Variants in PCDHGC3 observed in about 807,000 individuals in gnomAD.
The protein encoded by PCDHGC3 is protocadherin gamma subfamily C, 3, also known as protocadherin gamma-C3.
Under a neutral mutation model 59.2 loss-of-function variants are expected in PCDHGC3, and 26 were observed. The observed-to-expected ratio is 0.44, with a 90% CI of 0.32 to 0.61. PCDHGC3 has a LOEUF of 0.61. Among genes scored for constraint, PCDHGC3 ranks in the 20% least tolerant of loss-of-function variants. The probability of loss-of-function intolerance (pLI) is 0.05; values close to 1 mark genes in which losing one functional copy is unlikely to be tolerated. For synonymous variants in PCDHGC3, 487 were observed against 519.7 expected, an observed-to-expected ratio of 0.94 and a Z score of 0.86; for missense variants, 1,080 against 1,221.8, an observed-to-expected ratio of 0.88 and a Z score of 1.73.
chr5:141,485,745 T>C lies in PCDHGC3; in HGVS notation c.2430+7199T>C. 3 of 1,614,146 alleles carry C rather than the reference T, an allele frequency of 1.9e-6. No individual in the cohort carries two copies. Among genetic ancestry groups the C allele is most frequent in the Non-Finnish European group, 2.5e-6 (3 of 1,179,986 alleles). ...AAGAAGCGCAGCGACGGCAGCCTGGTCCCAGAGCTGCTCCTGGAGAAGCCT... is the reference window on the plus strand; with the variant it reads ...AAGAAGCGCAGCGACGGCAGCCTGGCCCCAGAGCTGCTCCTGGAGAAGCCT... On this transcript the variant is annotated intron_variant, in intron 1 of 3. Transcript: ENST00000308177. This position sits in a 1 kb window ranked among gnomAD's most constrained non-coding sequence, Gnocchi z 5.7.
intron 2 of PCDHGC3, among the ~76,000 whole-genome samples, chr5:141,499,879 G>C (rs1470090790): frequency 9.2e-5 from 14 of 151,952 alleles, no homozygotes. Flanking sequence ...GTACAAACAG[G>C]GTTTCGCCAT....
At chr5:141,506,432 C>A (rs2099853359) in intron 3 of PCDHGC3, among the ~76,000 whole-genome samples, 1 of 132,482 alleles carries the variant, frequency 7.5e-6, no homozygotes, top group Non-Finnish European at 1.6e-5. Context: ...GGGCAACAGT[C>A]TCGCTCTGTC....
intron 3 of PCDHGC3, 86 bp downstream of exon 3, chr5:141,505,567 T>C: frequency 6.3e-7 from 1 of 1,599,440 alleles, no homozygotes; most frequent in South Asian, 1.1e-5. Flanking sequence ...ACGGACTGGA[T>C]GTCAAACCTG....
Position 141,478,289 on chromosome 5 carries a change from G to A in PCDHGC3, c.2173G>A (p.Asp725Asn), listed in dbSNP as rs1210628852. The change falls in exon 1 of 4, where the codon GAC becomes AAC. Residue 725 changes from aspartate (D) to asparagine (N), a missense_variant. Physicochemically the swap from Asp to Asn is conservative, Grantham distance 23 (BLOSUM62 1). Transcript: ENST00000308177. ...FKVYKWKQSR[D>N]LYRAPVSSLY... ...AGTTTACAAGTGGAAGCAGTCTAGA[G>A]ACCTATACCGAGCCCCGGTGAGCTC... is the stretch of plus-strand genomic sequence containing the variant. 1.2e-6 allele frequency: 2 copies of A among 1,614,146 alleles called. No individual in the cohort carries two copies. The highest frequency in any genetic ancestry group is 2.7e-5 in the African/African-American group (2 of 75,074).
intron 2 of PCDHGC3, among the ~76,000 whole-genome samples, chr5:141,504,143 C>A (rs2099835975): frequency 6.6e-6 from 1 of 152,136 alleles, no homozygotes; most frequent in Non-Finnish European, 1.5e-5. Flanking sequence ...CACTCCCCTG[C>A]AAATTGAAAT....
chr5:141,483,432 ACT>A (rs2099581241), intron 1 of PCDHGC3, among the ~76,000 whole-genome samples: 1 of 152,200 alleles, frequency 6.6e-6, no homozygotes, highest in African/African-American at 2.4e-5. Flanking sequence ...GAGGGAGCTG[ACT>A]ACAATAAAAT....
At chr5:141,505,260 C>T in intron 2 of PCDHGC3, 133 bp from the exon 3 acceptor site, 2 of 1,502,832 alleles carry the variant, frequency 1.3e-6, no homozygotes, top group South Asian at 1.3e-5. Context: ...TGCCTCCTAC[C>T]TTGCTGAGAG....
Position 141,489,640 on chromosome 5 carries a change from G to A in PCDHGC3, c.2431-5167G>A. The A allele has an allele frequency of 1.2e-6, 2 of 1,614,146 alleles. No individual in the cohort carries two copies. Among genetic ancestry groups the A allele is most frequent in the Non-Finnish European group, 1.7e-6 (2 of 1,180,010 alleles). Reference sequence around the variant, plus strand: ...TCTCAATGACAACTCTCCTAGCTTTGCCACCCCTGAGCGAGAGATGCGCAT... The same window carrying A: ...TCTCAATGACAACTCTCCTAGCTTTACCACCCCTGAGCGAGAGATGCGCAT... On this transcript the variant is annotated intron_variant, in intron 1 of 3. Transcript: ENST00000308177. The surrounding 1 kb of genome is among the most constrained non-coding windows in gnomAD (Gnocchi z 4.5).
rs2099641960 is a variant in PCDHGC3 at position 141,487,259 on chromosome 5, T to C, written c.2431-7548T>C. On this transcript the variant is annotated intron_variant, in intron 1 of 3. Coordinates refer to ENST00000308177, the MANE Select transcript of PCDHGC3 (RefSeq NM_002588.4). This position sits in a 1 kb window ranked among gnomAD's most constrained non-coding sequence, Gnocchi z 5.0. ...TCGTCTAACCCTCTACTTGGCTGTG[T>C]CCCTAGTGGCAATTTGCTTTGTCTC... 6.2e-7 allele frequency: 1 copy of C among 1,614,132 alleles called. No homozygotes were observed. Among genetic ancestry groups the C allele is most frequent in the Non-Finnish European group, 8.5e-7 (1 of 1,180,012 alleles).
chr5:141,498,726 G>T (rs2099785379), intron 2 of PCDHGC3, among the ~76,000 whole-genome samples: 1 of 152,172 alleles, frequency 6.6e-6, no homozygotes, highest in Admixed American at 6.5e-5. Context: ...GAGGTCAGGA[G>T]TTTGAGACCA....
In PCDHGC3 at chr5:141,490,410, T is replaced by C. The variant is rs2099699827; in HGVS notation, c.2431-4397T>C. ...ATGGTGAAGTGAGCCTTGATATCTC[T>C]CCGGACCTGCCATTTCAGATTAAGC... On this transcript the variant is annotated intron_variant, in intron 1 of 3. Coordinates refer to ENST00000308177, the MANE Select transcript of PCDHGC3 (RefSeq NM_002588.4). The surrounding 1 kb of genome is among the most constrained non-coding windows in gnomAD (Gnocchi z 5.4). 1 of 1,614,172 alleles carries C rather than the reference T, an allele frequency of 6.2e-7. No individual in the cohort carries two copies. Among genetic ancestry groups the C allele is most frequent in the Non-Finnish European group, 8.5e-7 (1 of 1,180,042 alleles).
At chr5:141,482,544 A>AAAC (rs1041838777) in intron 1 of PCDHGC3, among the ~76,000 whole-genome samples, 4 of 151,844 alleles carry the variant, frequency 2.6e-5, no homozygotes, top group Non-Finnish European at 4.4e-5. Context: ...AAAAAAAAAA[A>AAAC]AAAAAGATAA....
At chr5:141,500,568 T>C (rs1562196424) in intron 2 of PCDHGC3, among the ~76,000 whole-genome samples, 2 of 152,190 alleles carry the variant, frequency 1.3e-5, no homozygotes, top group Admixed American at 6.5e-5. Context: ...CTTGTCACAC[T>C]TTCATGTGAC....
intron 2 of PCDHGC3, among the ~76,000 whole-genome samples, chr5:141,499,800 C>A (rs2099794584): frequency 6.6e-6 from 1 of 150,704 alleles, no homozygotes; most frequent in Admixed American, 6.7e-5. Context: ...AATTCTCATG[C>A]TTCAGCCTCC....
chr5:141,503,401 C>A (rs987421198), intron 2 of PCDHGC3, among the ~76,000 whole-genome samples: 15 of 151,848 alleles, frequency 9.9e-5, no homozygotes, highest in Non-Finnish European at 1.9e-4. Context: ...TCGAAACCAA[C>A]CTGGCCAATA....
chr5:141,503,912 A>AAC (rs34419983), intron 2 of PCDHGC3, among the ~76,000 whole-genome samples: 3 of 152,280 alleles, frequency 2.0e-5, no homozygotes, highest in East Asian at 3.9e-4. Context: ...CACACAACGC[A>AAC]ACACACACAC....
At chr5:141,510,863 A>G in intron 3 of PCDHGC3, 84 bp from the exon 4 acceptor site, 1 of 1,607,492 alleles carries the variant, frequency 6.2e-7, no homozygotes, top group African/African-American at 1.3e-5. Flanking sequence ...CTGTATAGGC[A>G]TTCATTAACT....
chr5:141,494,613 G>A (rs2099755672), intron 1 of PCDHGC3, among the ~76,000 whole-genome samples, 194 bp from the exon 2 acceptor site: 1 of 152,136 alleles, frequency 6.6e-6, no homozygotes, highest in Non-Finnish European at 1.5e-5. Context: ...TTATCTCTTG[G>A]TTTCTGGTAC....
In PCDHGC3 at chr5:141,485,027, G is replaced by A. The variant is rs1594439784; in HGVS notation, c.2430+6481G>A. ...AATCTACCCCGCCACCAGCAAAAAC[G>A]GCGCGTAACCCTTGCGGCGCCGGCC... is the stretch of plus-strand genomic sequence containing the variant. On this transcript the variant is annotated intron_variant, in intron 1 of 3. Coordinates refer to ENST00000308177, the MANE Select transcript of PCDHGC3 (RefSeq NM_002588.4). The surrounding 1 kb of genome is among the most constrained non-coding windows in gnomAD (Gnocchi z 5.7). 1.5e-6 allele frequency: 1 copy of A among 662,546 alleles called. No individual in the cohort carries two copies. Among genetic ancestry groups the A allele is most frequent in the South Asian group, 1.9e-5 (1 of 53,596 alleles). The allele number at this position is 662,546 out of a possible 1,614,324, so 41.0% of individuals were successfully genotyped here.
Sources: gnomAD v4.1 joint callset for allele counts (sites outside exome capture counted in the v4.1 genomes callset) on GRCh38, gnomAD v4.1.1 for gene constraint, Gnocchi (gnomAD v3.1) non-coding constraint, MANE v1.5 for transcripts, NCBI Gene and HGNC (gene_info 2026-07-23, HGNC 2026-07-21) for gene names.